The following FHIP1A variants were observed in gnomAD, a reference collection of about 807,000 sequenced individuals.
FHIP1A encodes FHF complex subunit HOOK-interacting protein 1A.
A neutral mutation model predicts 88.6 loss-of-function variants in FHIP1A; 61 were observed. That is an observed-to-expected ratio of 0.69 (90% CI 0.56 to 0.85). FHIP1A has a LOEUF of 0.85. Ranked by LOEUF, FHIP1A falls within the 40% of genes least tolerant of loss-of-function variation. FHIP1A has a pLI of 0.00. For synonymous variants in FHIP1A, 478 were observed against 496.0 expected (o/e 0.96, Z 0.48); for missense variants, 1,154 against 1,273.5 (o/e 0.91, Z 1.43).
chr4:151,532,036 C>T (rs574418517), intron 3 of FHIP1A, among the ~76,000 whole-genome samples: 4 of 152,162 alleles, frequency 2.6e-5, no homozygotes, highest in Non-Finnish European at 5.9e-5. Context: ...TATGTGGATA[C>T]GTGGCATCGC....
chr4:151,643,878 T>A (rs901838857), intron 9 of FHIP1A, among the ~76,000 whole-genome samples: 1 of 152,252 alleles, frequency 6.6e-6, no homozygotes, highest in Non-Finnish European at 1.5e-5. Context: ...ACTGAAAGCA[T>A]GTGTTTGTAA....
At position 151,669,770 on chromosome 4, in the gene FHIP1A, T is replaced by G. The variant is rs887464784; in HGVS notation, c.*7016T>G. 2.0e-5 allele frequency: 3 copies of G among 152,164 alleles called. No homozygotes were observed. Among genetic ancestry groups the G allele is most frequent in the African/African-American group, 7.2e-5 (3 of 41,442 alleles). The allele number at this position is 152,164 out of a possible 1,614,324, so 9.4% of individuals were successfully genotyped here. A position where few individuals can be genotyped will look rare whatever the true frequency, so the allele number is the denominator to read the frequency against. On this transcript the variant is annotated 3_prime_UTR_variant, in exon 14 of 14. Coordinates refer to ENST00000435205, the MANE Select transcript of FHIP1A (RefSeq NM_001109977.3). Reference sequence around the variant, plus strand: ...TCTTAAAATTCTGTCACTAATTTTTTTAAACGACTTTTTTTAAAAAGCCAC... The same window carrying G: ...TCTTAAAATTCTGTCACTAATTTTTGTAAACGACTTTTTTTAAAAAGCCAC...
chr4:151,658,858 A>G (rs72956921), intron 13 of FHIP1A, among the ~76,000 whole-genome samples: 2,068 of 152,316 alleles, frequency 0.014, 43 homozygotes, highest in African/African-American at 0.042. Flanking sequence ...CCAAAATTAG[A>G]GGTCCAGGGT....
Position 151,619,367 on chromosome 4 carries a change from T to C in FHIP1A, c.979-10335T>C, listed in dbSNP as rs552910398. Among the ~76,000 whole-genome samples the C allele has an allele frequency of 3.7e-4, 57 of 152,356 alleles. No homozygotes were observed. The South Asian group carries it at 0.012, about 31-fold the overall frequency. On this transcript the variant is annotated intron_variant, in intron 7 of 13. Coordinates refer to ENST00000435205, the MANE Select transcript of FHIP1A (RefSeq NM_001109977.3). Reference sequence around the variant, plus strand: ...TAGAGAAGTTAGTCTGTCTAGTGTATATTTTTAAACAGATTTCAAACACTG... The same window carrying C: ...TAGAGAAGTTAGTCTGTCTAGTGTACATTTTTAAACAGATTTCAAACACTG...
intron 7 of FHIP1A, among the ~76,000 whole-genome samples, chr4:151,622,223 G>A (rs1288618084): frequency 6.6e-6 from 1 of 152,166 alleles, no homozygotes; most frequent in Non-Finnish European, 1.5e-5. Flanking sequence ...TTCTGGAATA[G>A]GAAAGTTGAG....
intron 7 of FHIP1A, among the ~76,000 whole-genome samples, chr4:151,593,207 GC>G (rs1258563746): frequency 6.6e-6 from 1 of 152,174 alleles, no homozygotes; most frequent in Non-Finnish European, 1.5e-5. Context: ...GATGCCTCCA[GC>G]TTTGTTCTTT....
chr4:151,577,462 T>G lies in FHIP1A; in HGVS notation c.118T>G (p.Leu40Val). The G allele has an allele frequency of 6.5e-7, 1 of 1,532,506 alleles. No homozygotes were observed. The allele number at this position is 1,532,506 out of a possible 1,614,324, so 94.9% of individuals were successfully genotyped here. The stretch of plus-strand genomic sequence containing the variant: ...GACTTGGTTACAGGTTGTGAAAATC[T>G]TGGAGAAGCACGACCCCTTGAAGAA... ...KNHWAQVVKILEKHDPLKNTQ... is the reference protein window; with the variant it reads ...KNHWAQVVKIVEKHDPLKNTQ... Residue 40 changes from leucine (L) to valine (V), a missense_variant, in exon 5 of 14, where the codon TTG becomes GTG. Coordinates refer to ENST00000435205, the MANE Select transcript of FHIP1A (RefSeq NM_001109977.3).
At chr4:151,464,004 G>A (rs1310125080) in intron 2 of FHIP1A, among the ~76,000 whole-genome samples, 2 of 152,042 alleles carry the variant, frequency 1.3e-5, no homozygotes, top group Non-Finnish European at 2.9e-5. Flanking sequence ...ATAGCCTTCT[G>A]TCAGCCTCCT....
chr4:151,558,542 A>AAAACG (rs1733047757), intron 3 of FHIP1A, among the ~76,000 whole-genome samples: 2 of 151,862 alleles, frequency 1.3e-5, no homozygotes, highest in Admixed American at 1.3e-4. Flanking sequence ...CAAACAAAAC[A>AAAACG]AAACAAAACA....
chr4:151,667,664 G>C lies in FHIP1A; in HGVS notation c.*4910G>C, dbSNP rs180676432. Among the ~76,000 whole-genome samples the C allele has an allele frequency of 6.6e-6, 1 of 152,260 alleles. No individual in the cohort carries two copies. Among genetic ancestry groups the C allele is most frequent in the East Asian group, 1.9e-4 (1 of 5,182 alleles). On this transcript the variant is annotated 3_prime_UTR_variant, in exon 14 of 14. Transcript: ENST00000435205. ...CCTTCAGTTCTTTGACCTCTTGCAC[G>C]TAGAATCCTAAAACTGATCATGATT...
At chr4:151,528,658 G>A (rs1481124787) in intron 3 of FHIP1A, among the ~76,000 whole-genome samples, 12 of 152,122 alleles carry the variant, frequency 7.9e-5, no homozygotes, top group Admixed American at 5.2e-4. Flanking sequence ...GTATTTGGAT[G>A]GGGGAGCAGA....
intron 7 of FHIP1A, among the ~76,000 whole-genome samples, chr4:151,621,945 C>A (rs957534648): frequency 6.6e-6 from 1 of 152,056 alleles, no homozygotes; most frequent in Non-Finnish European, 1.5e-5. Context: ...AATATAACTA[C>A]CCTGCTAAGG....
chr4:151,566,430 C>A, intron 4 of FHIP1A, 66 bp downstream of exon 4: 1 of 874,710 alleles, frequency 1.1e-6, no homozygotes, highest in South Asian at 1.5e-5. Flanking sequence ...CACACTGAAT[C>A]AGGGTTTTCT....
intron 3 of FHIP1A, among the ~76,000 whole-genome samples, chr4:151,503,081 C>G (rs890617756): frequency 2.0e-5 from 3 of 152,190 alleles, no homozygotes; most frequent in Non-Finnish European, 4.4e-5. Context: ...GGTTCAGTTG[C>G]TCACCACTTG....
chr4:151,592,672 A>G (rs1560787974), intron 7 of FHIP1A, among the ~76,000 whole-genome samples: 1 of 152,178 alleles, frequency 6.6e-6, no homozygotes, highest in Non-Finnish European at 1.5e-5. Flanking sequence ...GCCCTTTGTC[A>G]GATGGATAGA....
intron 7 of FHIP1A, among the ~76,000 whole-genome samples, chr4:151,602,912 T>G (rs1355866256): frequency 6.6e-6 from 1 of 152,190 alleles, no homozygotes; most frequent in Non-Finnish European, 1.5e-5. Flanking sequence ...TTTCTAGCTA[T>G]AAAACCTTTC....
At position 151,646,736 on chromosome 4, in the gene FHIP1A, C is replaced by T. The variant is rs552938541; in HGVS notation, c.1405C>T (p.His469Tyr). The change falls in exon 10 of 14, where the codon CAT (histidine) becomes TAT (tyrosine). Residue 469 changes from histidine (H) to tyrosine (Y), a missense_variant. Physicochemically the swap from His to Tyr is moderately conservative, Grantham distance 83. Coordinates refer to ENST00000435205, the MANE Select transcript of FHIP1A (RefSeq NM_001109977.3). ...RDYILWSKCM[H>Y]DTSGPVERPF... ...TTATATTCTCTGGTCAAAGTGTATG[C>T]ATGACACTTCAGGTAGGAACTCGCT... is the stretch of plus-strand genomic sequence containing the variant. 6.5e-6 allele frequency: 10 copies of T among 1,545,800 alleles called. No individual in the cohort carries two copies. In the African/African-American group the frequency reaches 8.2e-5, roughly 13 times the overall value.
rs994769484 is a variant in FHIP1A, at chr4:151,662,620, C to T, written c.2989C>T (p.Pro997Ser). 25 of 1,551,554 alleles carry T rather than the reference C, an allele frequency of 1.6e-5. 1 individual carries two copies. In the Admixed American group the frequency reaches 4.7e-4, roughly 29 times the overall value. The stretch of plus-strand genomic sequence containing the variant: ...GGTGGCTGAGGCACCCCCCAACCTG[C>T]CCCTGCCGGTGAGGAACCCCATGCT... ...TKVAEAPPNL[P>S]LPVRNPMLAA... The change falls in exon 14 of 14, where the codon CCC becomes TCC. Residue 997 changes from proline (P) to serine (S), a missense_variant. By Grantham distance (74) the Pro-to-Ser change is moderately conservative. Transcript: ENST00000435205.
chr4:151,491,843 G>A (rs1344539354), intron 3 of FHIP1A, among the ~76,000 whole-genome samples: 1 of 152,150 alleles, frequency 6.6e-6, no homozygotes, highest in East Asian at 1.9e-4. Flanking sequence ...AAGCAAGCAG[G>A]AGTAGCTATT....
Sources: gnomAD v4.1 joint callset for allele counts (sites outside exome capture counted in the v4.1 genomes callset) on GRCh38, gnomAD v4.1.1 for gene constraint, MANE v1.5 for transcripts, NCBI Gene and HGNC (gene_info 2026-07-23, HGNC 2026-07-21) for gene names.